The following TARBP2 variants were observed in gnomAD, a reference collection of about 807,000 sequenced individuals.
TARBP2 encodes the protein RISC-loading complex subunit TARBP2.
TARBP2 carries 23 observed loss-of-function variants against 40.4 expected under a neutral mutation model. That is an observed-to-expected ratio of 0.57 (90% CI 0.41 to 0.81). The LOEUF (loss-of-function observed/expected upper bound fraction) is 0.81. TARBP2 is among the 30% of genes least tolerant of loss of function. The pLI, the probability that TARBP2 is intolerant of heterozygous loss-of-function variation, is 0.00. For synonymous variants in TARBP2, 183 were observed against 190.5 expected (o/e 0.96, Z 0.32); for missense variants, 358 against 473.7 (o/e 0.76, Z 2.27).
chr12:53,501,627 A>AG lies in TARBP2; in HGVS notation c.53+167dup, dbSNP rs1238594650. Reference sequence around the variant, plus strand: ...CACCGGGGCAGTGGCTGCTGCCTCCAGCTCTAAATAGTTTGGGGTTGGCCC... The same window carrying AG: ...CACCGGGGCAGTGGCTGCTGCCTCCAGGCTCTAAATAGTTTGGGGTTGGCCC... On this transcript the variant is annotated intron_variant, in intron 1 of 8. Transcript: ENST00000266987. 17 of 1,458,106 alleles carry AG rather than the reference A, an allele frequency of 1.2e-5. No homozygotes were observed. The Admixed American group carries it at 4.5e-4, about 39-fold the overall frequency. 90.3% of individuals were successfully genotyped at this position (1,458,106 alleles called of 1,614,324 possible). A position where few individuals can be genotyped will look rare whatever the true frequency, so the allele number is the denominator to read the frequency against.
chr12:53,504,926 C>G (rs1943900383), intron 6 of TARBP2, 111 bp downstream of exon 6: 1 of 1,454,908 alleles, frequency 6.9e-7, no homozygotes, highest in Non-Finnish European at 9.5e-7. Context: ...CTTAGCTTCA[C>G]AGTCCCTAGC....
chr12:53,501,914 C>T, intron 1 of TARBP2, 101 bp from the exon 2 acceptor site: 1 of 1,509,564 alleles, frequency 6.6e-7, no homozygotes, highest in Non-Finnish European at 9.0e-7. Flanking sequence ...GTTCCTTGGA[C>T]CCTATGTCCC....
intron 3 of TARBP2, 189 bp downstream of exon 3, chr12:53,503,318 G>A: frequency 1.5e-6 from 2 of 1,343,250 alleles, no homozygotes; most frequent in East Asian, 2.7e-5. Flanking sequence ...GGGTGGAGGG[G>A]TTGGTTAGCC....
intron 5 of TARBP2, 102 bp from the exon 6 acceptor site, chr12:53,504,596 C>A: frequency 6.2e-7 from 1 of 1,609,098 alleles, no homozygotes; most frequent in Non-Finnish European, 8.5e-7. Context: ...CCCCCTCTCT[C>A]CTTCCTCTCA....
chr12:53,500,996 G>T (rs954106731), upstream of TARBP2: 21 of 205,068 alleles, frequency 1.0e-4, no homozygotes, highest in Non-Finnish European at 2.0e-4. Flanking sequence ...AAGGCTCCGT[G>T]CCCAAGTGAG....
At position 53,505,563 on chromosome 12, in the gene TARBP2, C is replaced by A; in HGVS notation, c.742-86C>A. ...CAAGCTGGAGGAAGCATTCTTTGTG[C>A]TTTGTTCTCCTTTGACGTTGAATGT... On this transcript the variant is annotated intron_variant, in intron 7 of 8. Transcript: ENST00000266987. This position sits in a 1 kb window ranked among gnomAD's most constrained non-coding sequence, Gnocchi z 4.5. The A allele has an allele frequency of 7.3e-7, 1 of 1,374,190 alleles. No individual in the cohort carries two copies. The highest frequency in any genetic ancestry group is 1.0e-6 in the Non-Finnish European group (1 of 976,320). The allele number at this position is 1,374,190 out of a possible 1,614,324, so 85.1% of individuals were successfully genotyped here. A position where few individuals can be genotyped will look rare whatever the true frequency, so the allele number is the denominator to read the frequency against.
At chr12:53,503,354 T>A (rs1943807281) in intron 3 of TARBP2, 2 of 1,038,956 alleles carry the variant, frequency 1.9e-6, no homozygotes, top group South Asian at 4.1e-5. Flanking sequence ...GGCAGTAGGT[T>A]GGGGCCTGGG....
upstream of TARBP2, chr12:53,501,067 C>G (rs554265004): frequency 8.9e-6 from 3 of 337,908 alleles, no homozygotes; most frequent in African/African-American, 4.3e-5. Flanking sequence ...CACAGCTTCA[C>G]GGACCGGGAG....
In TARBP2 at chr12:53,506,252, T is replaced by C. The variant is rs978399323; in HGVS notation, c.*104T>C. On this transcript the variant is annotated 3_prime_UTR_variant, in exon 9 of 9. Transcript: ENST00000266987. ...TGGTACCCTCTGTGGGTGCCATCTC[T>C]ACCTCTGACACAGACTGCCTGCCTT... 3 of 1,396,778 alleles carry C rather than the reference T, an allele frequency of 2.1e-6. No homozygotes were observed. Among genetic ancestry groups the C allele is most frequent in the Admixed American group, 2.2e-5 (1 of 45,262 alleles). The allele number at this position is 1,396,778 out of a possible 1,614,324, so 86.5% of individuals were successfully genotyped here.
chr12:53,503,746 G>C lies in TARBP2; in HGVS notation c.360G>C (p.Glu120Asp). 4 of 1,614,182 alleles carry C rather than the reference G, an allele frequency of 2.5e-6. No homozygotes were observed. The highest frequency in any genetic ancestry group is 3.4e-6 in the Non-Finnish European group (4 of 1,180,022). Residue 120 changes from glutamate (E) to aspartate (D), a missense_variant, in exon 4 of 9, where the codon GAG becomes GAC. Coordinates refer to ENST00000266987, the MANE Select transcript of TARBP2 (RefSeq NM_134323.2). ...CTCCCCTAGACTCTTCACTGCCTGA[G>C]GACATTCCGGTTTTTACTGCTGCAG... ...SFSPLDSSLP[E>D]DIPVFTAAAA... is the part of the protein sequence containing the mutation.
At chr12:53,501,925 C>CCATA in intron 1 of TARBP2, 90 bp from the exon 2 acceptor site, 1 of 1,541,698 alleles carries the variant, frequency 6.5e-7, no homozygotes, top group Admixed American at 1.9e-5. Flanking sequence ...CCTATGTCCC[C>CCATA]CATAATGTGC....
At chr12:53,504,987 G>A (rs1490208850) in intron 6 of TARBP2, 148 bp from the exon 7 acceptor site, 1 of 1,457,172 alleles carries the variant, frequency 6.9e-7, no homozygotes, top group Non-Finnish European at 9.3e-7. Flanking sequence ...CCTTCTCTCT[G>A]GCTGACCAGG....
chr12:53,504,490 C>CCATG, intron 5 of TARBP2, 21 bp downstream of exon 5: 1 of 1,611,536 alleles, frequency 6.2e-7, no homozygotes, highest in Admixed American at 1.7e-5. Flanking sequence ...TCCTCATTTC[C>CCATG]CATGCATGCC....
rs1373306496 is a variant in TARBP2, at chr12:53,501,627, A to C, written c.53+166A>C. ...CACCGGGGCAGTGGCTGCTGCCTCC[A>C]GCTCTAAATAGTTTGGGGTTGGCCC... On this transcript the variant is annotated intron_variant, in intron 1 of 8. Transcript: ENST00000266987. 5 of 1,458,106 alleles carry C rather than the reference A, an allele frequency of 3.4e-6. No homozygotes were observed. The South Asian group carries it at 5.8e-5, about 17-fold the overall frequency. The allele number at this position is 1,458,106 out of a possible 1,614,324, so 90.3% of individuals were successfully genotyped here.
Position 53,505,169 on chromosome 12 carries a change from T to C in TARBP2, c.648T>C (p.Asn216=), listed in dbSNP as rs770162814. 8 of 1,611,388 alleles carry C rather than the reference T, an allele frequency of 5.0e-6. No individual in the cohort carries two copies. Among genetic ancestry groups the C allele is most frequent in the African/African-American group, 1.3e-5 (1 of 74,868 alleles). ...CTTCCAAAAAATTGGCAAAGCGGAA[T>C]GCGGCGGCCAAAATGCTGCTTCGAG... ...SGTSKKLAKR[N]AAAKMLLRVH... Residue 216 remains asparagine (N), a synonymous_variant, in exon 7 of 9, where the codon AAT becomes AAC. Coordinates refer to ENST00000266987, the MANE Select transcript of TARBP2 (RefSeq NM_134323.2). This position sits in a 1 kb window ranked among gnomAD's most constrained non-coding sequence, Gnocchi z 4.5.
intron 3 of TARBP2, 23 bp downstream of exon 3, chr12:53,503,152 C>T (rs369036725): frequency 7.2e-6 from 11 of 1,534,516 alleles, no homozygotes; most frequent in East Asian, 5.0e-5. Flanking sequence ...CCGAGGCATC[C>T]CAGAAGCCCT....
At chr12:53,504,282 G>A (rs1245059428) in intron 4 of TARBP2, 115 bp from the exon 5 acceptor site, 54 of 981,548 alleles carry the variant, frequency 5.5e-5, no homozygotes, top group Non-Finnish European at 7.3e-5. Context: ...CTCCCCACCC[G>A]GTGGAATCGG....
Position 53,505,409 on chromosome 12 carries a change from T to C in TARBP2, c.741+147T>C. On this transcript the variant is annotated intron_variant, in intron 7 of 8. Coordinates refer to ENST00000266987, the MANE Select transcript of TARBP2 (RefSeq NM_134323.2). The surrounding 1 kb of genome is among the most constrained non-coding windows in gnomAD (Gnocchi z 4.5). ...GTTTTCCTACCAGACCCAGGGTTCC[T>C]GGGGCCGACTCAGCCTTGACTGTAG... 1 of 1,317,544 alleles carries C rather than the reference T, an allele frequency of 7.6e-7. No individual in the cohort carries two copies. Among genetic ancestry groups the C allele is most frequent in the Non-Finnish European group, 1.0e-6 (1 of 978,024 alleles). The allele number at this position is 1,317,544 out of a possible 1,614,324, so 81.6% of individuals were successfully genotyped here. A position where few individuals can be genotyped will look rare whatever the true frequency, so the allele number is the denominator to read the frequency against.
chr12:53,503,351 G>T, intron 3 of TARBP2: 1 of 1,076,018 alleles, frequency 9.3e-7, no homozygotes. Flanking sequence ...TGTGGCAGTA[G>T]GTTGGGGCCT....
Sources: allele counts gnomAD v4.1 joint callset, GRCh38; gene constraint gnomAD v4.1.1; non-coding constraint Gnocchi (gnomAD v3.1); transcripts MANE v1.5; gene names NCBI Gene and HGNC (gene_info 2026-07-23, HGNC 2026-07-21).